The following TUBD1 variants were observed in gnomAD, a reference collection of about 807,000 sequenced individuals.
The protein encoded by TUBD1 is tubulin delta 1.
In TUBD1, 38 loss-of-function variants were observed where a neutral mutation model predicts 51.2. The ratio of observed to expected loss-of-function variants is 0.74; its 90% CI spans 0.57 to 0.97. The LOEUF is 0.97. TUBD1 is among the 50% of genes least tolerant of loss of function. The probability of loss-of-function intolerance (pLI) is 0.00; values close to 1 mark genes in which losing one functional copy is unlikely to be tolerated. For synonymous variants in TUBD1, 169 were observed against 178.2 expected (o/e 0.95, Z 0.41); for missense variants, 489 against 538.4 (o/e 0.91, Z 0.91).
At chr17:59,870,544 G>A (rs2039937522) in intron 6 of TUBD1, among the ~76,000 whole-genome samples, 1 of 152,078 alleles carries the variant, frequency 6.6e-6, no homozygotes. Context: ...CTAAACCTGG[G>A]AGGCTCTGGC....
At chr17:59,882,242 T>C (rs551645283) in intron 3 of TUBD1, among the ~76,000 whole-genome samples, 1 of 152,166 alleles carries the variant, frequency 6.6e-6, no homozygotes, top group Non-Finnish European at 1.5e-5. Context: ...CTCTAAAAGC[T>C]CTCTTTTGTA....
Position 59,885,440 on chromosome 17 carries a change from T to A in TUBD1, c.320+643A>T, listed in dbSNP as rs531468800. 10 of 1,399,204 alleles carry A rather than the reference T, an allele frequency of 7.1e-6. No individual in the cohort carries two copies. The South Asian group carries it at 1.2e-4, about 16-fold the overall frequency. 86.7% of individuals were successfully genotyped at this position (1,399,204 alleles called of 1,614,324 possible). ...ATATTCATGTTCTGGGTGGGGGATA[T>A]GTACCCTGTCTACCAGCCCGTGGGA... On this transcript the variant is annotated intron_variant, in intron 3 of 8. Transcript: ENST00000325752.
intron 8 of TUBD1, 21 bp from the exon 9 acceptor site, chr17:59,860,445 A>AC: frequency 7.3e-7 from 1 of 1,378,678 alleles, no homozygotes; most frequent in Non-Finnish European, 1.0e-6. Flanking sequence ...AAAAAAAAAA[A>AC]CAGAAATTAC....
intron 6 of TUBD1, among the ~76,000 whole-genome samples, chr17:59,874,014 C>A (rs202108386): frequency 6.6e-6 from 1 of 151,524 alleles, no homozygotes; most frequent in African/African-American, 2.4e-5. Flanking sequence ...ACGGTGAAAC[C>A]CCGTCTCTAC....
Position 59,874,631 on chromosome 17 carries a change from G to A in TUBD1, c.842C>T (p.Ser281Phe). The A allele has an allele frequency of 6.2e-7, 1 of 1,613,722 alleles. No individual in the cohort carries two copies. The highest frequency in any genetic ancestry group is 8.5e-7 in the Non-Finnish European group (1 of 1,179,900). ...TGTGGTGTATGCCAATGAATTCTCA[G>A]ACATGTGAGGAATGTTACGAACACT... ...MLSVRNIPHM[S>F]ENSLAYTTFT... Residue 281 changes from serine to phenylalanine, a missense_variant, in exon 6 of 9, where the codon TCT (serine) becomes TTT (phenylalanine). Transcript: ENST00000325752.
chr17:59,889,503 C>T (rs920174006), intron 2 of TUBD1, among the ~76,000 whole-genome samples: 2 of 150,334 alleles, frequency 1.3e-5, no homozygotes, highest in East Asian at 2.0e-4. Flanking sequence ...CCCATCTCTA[C>T]TAAAAATACA....
chr17:59,884,725 A>G (rs2040641284), intron 3 of TUBD1: 2 of 153,128 alleles, frequency 1.3e-5, no homozygotes, highest in Non-Finnish European at 2.9e-5. Context: ...GTTCCAGACC[A>G]GTCTGGGTAA....
chr17:59,862,869 C>T (rs992829019), intron 8 of TUBD1, among the ~76,000 whole-genome samples: 10 of 151,658 alleles, frequency 6.6e-5, no homozygotes, highest in South Asian at 2.1e-4. Context: ...GGACTACAGG[C>T]GCCCGCTACC....
At chr17:59,884,077 A>G (rs2040604896) in intron 3 of TUBD1, among the ~76,000 whole-genome samples, 2 of 151,372 alleles carry the variant, frequency 1.3e-5, no homozygotes, top group Admixed American at 1.3e-4. Flanking sequence ...CCTGGCCAAC[A>G]TAGGGAAATC....
chr17:59,891,742 G>A (rs2041063834), intron 1 of TUBD1: 1 of 152,248 alleles, frequency 6.6e-6, no homozygotes, highest in South Asian at 2.1e-4. Flanking sequence ...GCTGAGTTGG[G>A]AGAATCACGT....
chr17:59,876,386 G>A (rs1340338295), intron 5 of TUBD1, among the ~76,000 whole-genome samples: 2 of 144,738 alleles, frequency 1.4e-5, no homozygotes, highest in East Asian at 2.0e-4. Context: ...ATGGAGTTTC[G>A]CTCTTATTGC....
chr17:59,873,157 G>A (rs560552562), intron 6 of TUBD1, among the ~76,000 whole-genome samples: 2 of 152,236 alleles, frequency 1.3e-5, no homozygotes, highest in African/African-American at 2.4e-5. Flanking sequence ...ATAGCTAGAC[G>A]TTGAAAGTAG....
chr17:59,886,346 G>A (rs2040724513), intron 2 of TUBD1, 116 bp from the exon 3 acceptor site: 2 of 1,067,952 alleles, frequency 1.9e-6, no homozygotes, highest in African/African-American at 1.6e-5. Context: ...AAATTCCAGG[G>A]GTTGTGGTTA....
chr17:59,886,182 T>G lies in TUBD1; in HGVS notation c.221A>C (p.Asn74Thr). ...CTGGGCAGCCTTTGACAGCATTTGA[T>G]TGATAACTTTGGGTTCCATGTCAAC... ...VLVDMEPKVINQMLSKAAQSG... is the reference protein window; with the variant it reads ...VLVDMEPKVITQMLSKAAQSG... The change falls in exon 3 of 9, where the codon AAT (asparagine) becomes ACT (threonine). Residue 74 changes from asparagine to threonine, a missense_variant. By Grantham distance (65) the Asn-to-Thr change is moderately conservative. Coordinates refer to ENST00000325752, the MANE Select transcript of TUBD1 (RefSeq NM_016261.4). 6.2e-7 allele frequency: 1 copy of G among 1,613,948 alleles called. No individual in the cohort carries two copies. The highest frequency in any genetic ancestry group is 8.5e-7 in the Non-Finnish European group (1 of 1,179,962).
intron 3 of TUBD1, among the ~76,000 whole-genome samples, chr17:59,883,801 C>T (rs1389873662): frequency 6.6e-6 from 1 of 152,148 alleles, no homozygotes; most frequent in African/African-American, 2.4e-5. Context: ...GATCCTCCTG[C>T]CTTGGCCTCC....
intron 5 of TUBD1, among the ~76,000 whole-genome samples, chr17:59,876,310 C>G (rs2040220349): frequency 6.6e-6 from 1 of 151,166 alleles, no homozygotes; most frequent in Admixed American, 6.6e-5. Flanking sequence ...TCCCTAGTAG[C>G]TGAGATTATA....
At chr17:59,881,572 A>G (rs1444902069) in intron 3 of TUBD1, among the ~76,000 whole-genome samples, 1 of 152,144 alleles carries the variant, frequency 6.6e-6, no homozygotes. Context: ...TGATATTTGG[A>G]TATGTGTATA....
chr17:59,885,587 T>A (rs756811992), intron 3 of TUBD1: 24 of 1,093,188 alleles, frequency 2.2e-5, no homozygotes, highest in Non-Finnish European at 3.2e-5. Flanking sequence ...GCCCTCTAAC[T>A]AGGATTCCCT....
At chr17:59,871,507 A>G (rs1489904875) in intron 6 of TUBD1, among the ~76,000 whole-genome samples, 2 of 152,002 alleles carry the variant, frequency 1.3e-5, no homozygotes, top group Non-Finnish European at 2.9e-5. Flanking sequence ...CAGAATGAAG[A>G]TATTTGTAGC....
Sources: allele counts gnomAD v4.1 joint callset (sites outside exome capture counted in the v4.1 genomes callset), GRCh38; gene constraint gnomAD v4.1.1; transcripts MANE v1.5; gene names NCBI Gene and HGNC (gene_info 2026-07-23, HGNC 2026-07-21).